The following FTO variants were observed in gnomAD, a reference collection of about 807,000 sequenced individuals.
FTO encodes the protein FTO alpha-ketoglutarate dependent dioxygenase.
Under a neutral mutation model 63.9 loss-of-function variants are expected in FTO, and 47 were observed. The ratio of observed to expected loss-of-function variants is 0.74; its 90% confidence interval spans 0.58 to 0.94. The LOEUF is 0.94. Among genes scored for constraint, FTO ranks in the 40% least tolerant of loss-of-function variants. The probability of loss-of-function intolerance (pLI) is 0.00; values close to 1 mark genes in which losing one functional copy is unlikely to be tolerated. For synonymous variants in FTO, 207 were observed against 224.4 expected, an observed-to-expected ratio of 0.92 and a Z score of 0.69; for missense variants, 562 against 618.1, an observed-to-expected ratio of 0.91 and a Z score of 0.96.
At chr16:53,815,253 C>T (rs1036111956) in intron 2 of FTO, among the ~76,000 whole-genome samples, 3 of 152,144 alleles carry the variant, frequency 2.0e-5, no homozygotes, top group African/African-American at 4.8e-5. Context: ...TTCTACAAGG[C>T]TCTTCCCATT....
At chr16:53,897,856 GTCCAGT>G (rs769237075) in intron 7 of FTO, among the ~76,000 whole-genome samples, 4 of 152,126 alleles carry the variant, frequency 2.6e-5, no homozygotes, top group Non-Finnish European at 5.9e-5. Context: ...AATTTGAACT[GTCCAGT>G]TGCCCAGACT....
At chr16:53,933,141 G>A (rs1314896865) in intron 7 of FTO, among the ~76,000 whole-genome samples, 1 of 152,208 alleles carries the variant, frequency 6.6e-6, no homozygotes, top group Non-Finnish European at 1.5e-5. Flanking sequence ...CTATCAAAGA[G>A]TAAGGGAGTA....
intron 8 of FTO, among the ~76,000 whole-genome samples, chr16:54,008,203 G>A (rs544030482): frequency 7.9e-5 from 12 of 152,170 alleles, no homozygotes; most frequent in Middle Eastern, 3.4e-3. Flanking sequence ...GAGTATTTGA[G>A]GGCCAATCTC....
chr16:53,721,364 C>A (rs2076036902), intron 1 of FTO, among the ~76,000 whole-genome samples: 1 of 152,068 alleles, frequency 6.6e-6, no homozygotes, highest in Non-Finnish European at 1.5e-5. Flanking sequence ...AGATTGATAA[C>A]AAATTATAAA....
intron 8 of FTO, among the ~76,000 whole-genome samples, chr16:53,996,225 G>T (rs1191044144): frequency 5.3e-5 from 8 of 152,174 alleles, no homozygotes; most frequent in East Asian, 1.9e-4. Context: ...TTGACGGTTG[G>T]TTTTTTGCTG....
At chr16:53,782,457 T>C (rs1392291541) in intron 1 of FTO, among the ~76,000 whole-genome samples, 1 of 152,198 alleles carries the variant, frequency 6.6e-6, no homozygotes, top group African/African-American at 2.4e-5. Context: ...AATGTGTAAA[T>C]GTCGAGAGCC....
At chr16:53,761,395 C>G (rs963490354) in intron 1 of FTO, among the ~76,000 whole-genome samples, 1 of 152,058 alleles carries the variant, frequency 6.6e-6, no homozygotes, top group African/African-American at 2.4e-5. Flanking sequence ...AACCACTGCA[C>G]CCAGTATATT....
At chr16:53,863,646 A>G (rs1021681909) in intron 4 of FTO, among the ~76,000 whole-genome samples, 1 of 152,150 alleles carries the variant, frequency 6.6e-6, no homozygotes, top group South Asian at 2.1e-4. Flanking sequence ...ATCACAGGTT[A>G]TGTGCACAGA....
intron 7 of FTO, among the ~76,000 whole-genome samples, chr16:53,929,231 G>A (rs772051158): frequency 2.6e-5 from 4 of 152,160 alleles, no homozygotes; most frequent in Non-Finnish European, 5.9e-5. Context: ...CTTATGCTGC[G>A]TCTTGCCCAA....
intron 4 of FTO, among the ~76,000 whole-genome samples, chr16:53,859,362 C>T (rs1017943810): frequency 6.6e-6 from 1 of 151,878 alleles, no homozygotes; most frequent in Non-Finnish European, 1.5e-5. Context: ...CTGGCTAATA[C>T]CTGGGGAGAG....
intron 4 of FTO, among the ~76,000 whole-genome samples, chr16:53,857,442 C>T (rs28372543): frequency 2.2e-5 from 3 of 139,286 alleles, no homozygotes; most frequent in Admixed American, 7.2e-5. Flanking sequence ...AGAACCTGGT[C>T]TCTCTCTCTC....
chr16:54,059,638 A>T (rs1243062543), intron 8 of FTO, among the ~76,000 whole-genome samples: 4 of 152,152 alleles, frequency 2.6e-5, no homozygotes, highest in Admixed American at 2.6e-4. Flanking sequence ...ATAAGAGTGC[A>T]TTACTGTGGC....
At chr16:53,817,674 C>G (rs2078734754) in intron 2 of FTO, among the ~76,000 whole-genome samples, 1 of 152,070 alleles carries the variant, frequency 6.6e-6, no homozygotes, top group South Asian at 2.1e-4. Context: ...CCATATCTGA[C>G]TTCCCTGTGT....
At chr16:53,987,968 C>G (rs1283182187) in intron 8 of FTO, among the ~76,000 whole-genome samples, 1 of 152,178 alleles carries the variant, frequency 6.6e-6, no homozygotes. Flanking sequence ...CAGATACCCC[C>G]ACATTTTTGT....
intron 8 of FTO, among the ~76,000 whole-genome samples, chr16:54,096,374 A>G (rs796524549): frequency 1.8e-4 from 28 of 152,334 alleles, no homozygotes; most frequent in African/African-American, 6.7e-4. Flanking sequence ...TAACATGACA[A>G]TCCTGATGCT....
At chr16:53,886,515 A>G (rs1022265504) in intron 6 of FTO, among the ~76,000 whole-genome samples, 2 of 152,230 alleles carry the variant, frequency 1.3e-5, no homozygotes, top group Non-Finnish European at 2.9e-5. Flanking sequence ...CCACACTTGT[A>G]TTAATTCTTC....
At chr16:53,788,813 A>C (rs2077821052) in intron 1 of FTO, among the ~76,000 whole-genome samples, 1 of 152,132 alleles carries the variant, frequency 6.6e-6, no homozygotes, top group Non-Finnish European at 1.5e-5. Flanking sequence ...CTCTATAAGT[A>C]AGTGTGTAAA....
chr16:53,964,547 T>A (rs1214354537), intron 8 of FTO, among the ~76,000 whole-genome samples: 2 of 152,226 alleles, frequency 1.3e-5, no homozygotes, highest in East Asian at 1.9e-4. Context: ...AATATTTTTT[T>A]AAATCTCTTG....
chr16:53,787,843 A>T (rs1363458890), intron 1 of FTO, among the ~76,000 whole-genome samples: 1 of 152,226 alleles, frequency 6.6e-6, no homozygotes, highest in East Asian at 1.9e-4. Context: ...GGTTCCGACG[A>T]GTCAAAGACA....
Sources: allele counts gnomAD v4.1 joint callset (sites outside exome capture counted in the v4.1 genomes callset), GRCh38; gene constraint gnomAD v4.1.1; transcripts MANE v1.5; gene names NCBI Gene and HGNC (gene_info 2026-07-23, HGNC 2026-07-21).